MACROD2: variants seen among roughly 807,000 people sequenced by gnomAD.
MACROD2 encodes ADP-ribose glycohydrolase MACROD2.
A neutral mutation model predicts 70.4 loss-of-function variants in MACROD2; 36 were observed. That is an observed-to-expected ratio of 0.51 (90% CI 0.39 to 0.68). The LOEUF is 0.68. Ranked by LOEUF, MACROD2 falls within the 30% of genes least tolerant of loss-of-function variation. The probability of loss-of-function intolerance (pLI) is 0.00; values close to 1 mark genes in which losing one functional copy is unlikely to be tolerated. For synonymous variants in MACROD2, 172 were observed against 178.8 expected, an observed-to-expected ratio of 0.96 and a Z score of 0.30; for missense variants, 496 against 538.4, an observed-to-expected ratio of 0.92 and a Z score of 0.78.
At chr20:14,057,629 C>G (rs1006783471) in intron 2 of MACROD2, among the ~76,000 whole-genome samples, 1 of 152,126 alleles carries the variant, frequency 6.6e-6, no homozygotes, top group African/African-American at 2.4e-5. Context: ...CTAGCAACAC[C>G]TGCTAAAGCT....
At chr20:14,686,826 A>G (rs1486281856) in intron 5 of MACROD2, among the ~76,000 whole-genome samples, 1 of 152,138 alleles carries the variant, frequency 6.6e-6, no homozygotes, top group Non-Finnish European at 1.5e-5. Context: ...TTTTCCTTTA[A>G]TGATTTTTCA....
intron 3 of MACROD2, among the ~76,000 whole-genome samples, chr20:14,265,133 A>G (rs1601414083): frequency 6.6e-6 from 1 of 152,212 alleles, no homozygotes; most frequent in Non-Finnish European, 1.5e-5. Flanking sequence ...TCATTCCAGC[A>G]TAACCTTAGG....
At chr20:14,485,573 C>T (rs954466805) in intron 3 of MACROD2, among the ~76,000 whole-genome samples, 8 of 151,916 alleles carry the variant, frequency 5.3e-5, no homozygotes, top group South Asian at 4.2e-4. Flanking sequence ...TGGTGGCAGG[C>T]ACCTGTAGTC....
chr20:14,427,670 C>T (rs957795642), intron 3 of MACROD2, among the ~76,000 whole-genome samples: 1 of 151,956 alleles, frequency 6.6e-6, no homozygotes, highest in Non-Finnish European at 1.5e-5. Flanking sequence ...TTTTGGAAAA[C>T]TTGCTGTATA....
chr20:15,097,851 G>A (rs1568572065), intron 5 of MACROD2, among the ~76,000 whole-genome samples: 2 of 152,136 alleles, frequency 1.3e-5, no homozygotes, highest in Admixed American at 1.3e-4. Context: ...GGTAATCTTG[G>A]GAATGGGTAT....
chr20:15,347,146 A>G (rs567804227), intron 6 of MACROD2, among the ~76,000 whole-genome samples: 2 of 152,312 alleles, frequency 1.3e-5, no homozygotes, highest in East Asian at 1.9e-4. Context: ...AGCTCTCTAC[A>G]TACTTCAAAT....
At chr20:14,012,473 G>A (rs562054864) in intron 2 of MACROD2, among the ~76,000 whole-genome samples, 3 of 152,224 alleles carry the variant, frequency 2.0e-5, no homozygotes, top group South Asian at 2.1e-4. Flanking sequence ...TCGGACCTGC[G>A]GGCATAGCTG....
At chr20:15,494,748 TGTGTGTGTGTGTGTGCGC>T (rs989810464) in intron 7 of MACROD2, among the ~76,000 whole-genome samples, 26 of 82,844 alleles carry the variant, frequency 3.1e-4, no homozygotes, top group African/African-American at 8.2e-4. Context: ...TGTGTGTGTG[TGTGTGTGTGTGTGTGCGC>T]GTGTGTGTGT....
chr20:15,701,908 A>G (rs943611591), intron 8 of MACROD2, among the ~76,000 whole-genome samples: 15 of 152,198 alleles, frequency 9.9e-5, no homozygotes, highest in Non-Finnish European at 2.1e-4. Flanking sequence ...AACTGAGAAC[A>G]TGTGGTATTT....
intron 3 of MACROD2, among the ~76,000 whole-genome samples, chr20:14,095,549 G>A (rs1390056857): frequency 1.3e-5 from 2 of 152,156 alleles, no homozygotes; most frequent in African/African-American, 4.8e-5. Flanking sequence ...TAGATCTAGA[G>A]CTTGTGTTCC....
At chr20:15,844,680 T>C (rs2064210695) in intron 8 of MACROD2, among the ~76,000 whole-genome samples, 1 of 152,162 alleles carries the variant, frequency 6.6e-6, no homozygotes, top group Non-Finnish European at 1.5e-5. Context: ...ACAATTTCTG[T>C]CGTACACATC....
intron 5 of MACROD2, among the ~76,000 whole-genome samples, chr20:14,827,768 G>T (rs796826457): frequency 5.6e-4 from 85 of 151,556 alleles, no homozygotes; most frequent in African/African-American, 1.7e-3. Flanking sequence ...ATTATTCAGA[G>T]TATTGGAGGT....
chr20:15,116,274 G>C (rs1354247283), intron 5 of MACROD2, among the ~76,000 whole-genome samples: 1 of 152,126 alleles, frequency 6.6e-6, no homozygotes, highest in Non-Finnish European at 1.5e-5. Context: ...AATCCCTCCT[G>C]TTCCTCCTCC....
At chr20:16,006,897 CAAGTA>C (rs1260021259) in intron 15 of MACROD2, among the ~76,000 whole-genome samples, 9 of 152,142 alleles carry the variant, frequency 5.9e-5, no homozygotes, top group Non-Finnish European at 5.9e-5. Flanking sequence ...CTTTTTGTCT[CAAGTA>C]CACTAATCAG....
chr20:15,584,498 A>G (rs1178007840), intron 8 of MACROD2, among the ~76,000 whole-genome samples: 5 of 152,244 alleles, frequency 3.3e-5, no homozygotes, highest in African/African-American at 1.2e-4. Flanking sequence ...ACAGTTGACA[A>G]TGAAACTGAA....
chr20:14,888,898 T>C (rs1250335281), intron 5 of MACROD2, among the ~76,000 whole-genome samples: 1 of 152,210 alleles, frequency 6.6e-6, no homozygotes, highest in East Asian at 1.9e-4. Context: ...GAGAGTCTCC[T>C]TATTAAATAA....
At chr20:15,144,354 C>T (rs403365) in intron 5 of MACROD2, among the ~76,000 whole-genome samples, 89,609 of 151,956 alleles carry the variant, frequency 0.59, 26,562 homozygotes, top group East Asian at 0.65. Flanking sequence ...GATGGGTTTA[C>T]TCAAGCAGCC....
At chr20:14,436,004 G>T (rs1005771209) in intron 3 of MACROD2, among the ~76,000 whole-genome samples, 11 of 152,128 alleles carry the variant, frequency 7.2e-5, no homozygotes, top group African/African-American at 2.7e-4. Context: ...ACCATGCCTG[G>T]ATGAGAAGTC....
chr20:15,023,034 C>T (rs974788265), intron 5 of MACROD2: 2 of 152,028 alleles, frequency 1.3e-5, no homozygotes, highest in South Asian at 2.1e-4. Context: ...GAGTCATGCA[C>T]CACAATTCTA....
Sources: allele counts gnomAD v4.1 joint callset (sites outside exome capture counted in the v4.1 genomes callset), GRCh38; gene constraint gnomAD v4.1.1; transcripts MANE v1.5; gene names NCBI Gene and HGNC (gene_info 2026-07-23, HGNC 2026-07-21).